The following SYCE1 variants were observed in gnomAD, a reference collection of about 807,000 sequenced individuals.
SYCE1 encodes synaptonemal complex central element protein 1.
In SYCE1, 37 loss-of-function variants were observed where a neutral mutation model predicts 55.1. The ratio of observed to expected loss-of-function variants is 0.67; its 90% CI spans 0.52 to 0.88. The LOEUF (loss-of-function observed/expected upper bound fraction) is 0.88, where lower values mean the gene tolerates loss of function less well. Ranked by LOEUF, SYCE1 falls within the 40% of genes least tolerant of loss-of-function variation. SYCE1 has a pLI of 0.00. For missense variants in SYCE1, 399 were observed against 416.4 expected (o/e 0.96, Z 0.36); for synonymous variants, 163 against 159.4 (o/e 1.02, Z -0.17).
chr10:133,566,631 G>A (rs537342275), upstream of SYCE1, among the ~76,000 whole-genome samples: 12 of 151,490 alleles, frequency 7.9e-5, no homozygotes, highest in African/African-American at 2.9e-4. Flanking sequence ...TTAGGGTTTG[G>A]GGGCTAGGGG....
chr10:133,556,201 C>T lies in SYCE1; in HGVS notation c.529-154G>A. The T allele has an allele frequency of 3.7e-6, 3 of 801,236 alleles. No individual in the cohort carries two copies. In the South Asian group the frequency reaches 5.3e-5, roughly 14 times the overall value. 49.6% of individuals were successfully genotyped at this position (801,236 alleles called of 1,614,324 possible). A position where few individuals can be genotyped will look rare whatever the true frequency, so the allele number is the denominator to read the frequency against. Reference sequence around the variant, plus strand: ...ACCAGCTACAGTACAGCCTCAGGGCCATGGCACTGGCCATTCCCTCCCTGT... The same window carrying T: ...ACCAGCTACAGTACAGCCTCAGGGCTATGGCACTGGCCATTCCCTCCCTGT... On this transcript the variant is annotated intron_variant, in intron 8 of 12. Transcript: ENST00000343131.
chr10:133,556,598 C>T, intron 8 of SYCE1, 161 bp downstream of exon 8: 1 of 726,872 alleles, frequency 1.4e-6, no homozygotes, highest in South Asian at 1.7e-5. Flanking sequence ...AGCAGGGTCA[C>T]AAGGAGGTGA....
chr10:133,563,030 A>G (rs1313061746), intron 1 of SYCE1, among the ~76,000 whole-genome samples: 1 of 152,238 alleles, frequency 6.6e-6, no homozygotes, highest in African/African-American at 2.4e-5. Flanking sequence ...CAAAGTTTGT[A>G]ACAGTTTTGA....
At chr10:133,562,833 G>C (rs1241331780) in intron 1 of SYCE1, among the ~76,000 whole-genome samples, 1 of 152,144 alleles carries the variant, frequency 6.6e-6, no homozygotes, top group Non-Finnish European at 1.5e-5. Context: ...CAGAGATCCA[G>C]TTAAAAGATA....
At chr10:133,565,980 G>A (rs1441152950), upstream of SYCE1, among the ~76,000 whole-genome samples, 1 of 152,222 alleles carries the variant, frequency 6.6e-6, no homozygotes, top group Non-Finnish European at 1.5e-5. Context: ...CCACACCGCC[G>A]CGGGAGTGCA....
chr10:133,556,970 C>A (rs1433003638), intron 7 of SYCE1, 97 bp downstream of exon 7: 1 of 1,486,182 alleles, frequency 6.7e-7, no homozygotes, highest in Non-Finnish European at 9.4e-7. Flanking sequence ...CTTGAATCTC[C>A]ATGGCTCAGT....
At chr10:133,567,337 G>C (rs189906046), upstream of SYCE1, among the ~76,000 whole-genome samples, 19 of 151,716 alleles carry the variant, frequency 1.3e-4, no homozygotes, top group East Asian at 3.5e-3. Context: ...AGGGTTTAGT[G>C]CTTGAGGTGG....
intron 1 of SYCE1, among the ~76,000 whole-genome samples, chr10:133,564,721 C>A (rs940520263): frequency 5.3e-5 from 8 of 152,218 alleles, no homozygotes; most frequent in African/African-American, 1.4e-4. Context: ...GATCTCAGGA[C>A]AGAATGACAA....
chr10:133,560,680 T>C (rs1425558743), intron 1 of SYCE1: 2 of 152,200 alleles, frequency 1.3e-5, no homozygotes, highest in African/African-American at 4.8e-5. Context: ...ATAATCACTA[T>C]TGGAACCTAT....
At chr10:133,567,874 G>A (rs1564861532), upstream of SYCE1, 1 of 477,470 alleles carries the variant, frequency 2.1e-6, no homozygotes, top group Non-Finnish European at 4.1e-6. Flanking sequence ...GTCTCCTCTA[G>A]GTGGGAGGTG....
chr10:133,554,647 T>C, downstream of SYCE1: 2 of 721,932 alleles, frequency 2.8e-6, no homozygotes, highest in Non-Finnish European at 2.5e-6. Context: ...TTTTAATTTT[T>C]TTTTTAATTT....
upstream of SYCE1, chr10:133,565,588 C>T: frequency 1.3e-6 from 2 of 1,510,664 alleles, no homozygotes; most frequent in African/African-American, 1.4e-5. Flanking sequence ...GTGATTGGAG[C>T]AACCGCCGCT....
Sources: gnomAD v4.1 joint callset for allele counts (sites outside exome capture counted in the v4.1 genomes callset) on GRCh38, gnomAD v4.1.1 for gene constraint, MANE v1.5 for transcripts, NCBI Gene and HGNC (gene_info 2026-07-23, HGNC 2026-07-21) for gene names.